The following RAB6D variants were observed in gnomAD, a reference collection of about 807,000 sequenced individuals.
RAB6D encodes the protein RAB6D, member RAS oncogene family, also known as ras-related protein Rab-6D.
Under a neutral mutation model 17.5 loss-of-function variants are expected in RAB6D, and 11 were observed. The observed-to-expected ratio is 0.63, with a 90% CI of 0.39 to 1.04. RAB6D has a LOEUF of 1.04. RAB6D is among the 50% of genes least tolerant of loss of function. The pLI is 0.00. For synonymous variants in RAB6D, 68 were observed against 122.6 expected (o/e 0.55, Z 2.94); for missense variants, 163 against 315.1 (o/e 0.52, Z 3.65).
In RAB6D at chr2:131,363,112, T is replaced by C; in HGVS notation, c.609A>G (p.Glu203=). The stretch of plus-strand genomic sequence containing the variant: ...TGGGAGAGTAGCAGGAACAACCCCC[T>C]TCGCTGACTGTTTGCTCCTGAGGCT... The part of the protein sequence containing the change: ...LEKPQEQTVS[E]GGCSCYSPMS... The change falls in exon 1 of 1, where the codon GAA becomes GAG. Residue 203 remains glutamate, a synonymous_variant. Coordinates refer to ENST00000623617, the MANE Select transcript of RAB6D (RefSeq NM_001077637.3). The C allele has an allele frequency of 6.2e-7, 1 of 1,607,030 alleles. No homozygotes were observed. The highest frequency in any genetic ancestry group is 8.5e-7 in the Non-Finnish European group (1 of 1,175,372).
chr2:131,363,840 A>C lies in RAB6D; in HGVS notation c.-120T>G. ...GGCGCCGAGCTCTCTGCGCCCCTGC[A>C]AGGGCCGGTGGAGGAGCCCGGCTGG... On this transcript the variant is annotated 5_prime_UTR_variant, in exon 1 of 1. Coordinates refer to ENST00000623617, the MANE Select transcript of RAB6D (RefSeq NM_001077637.3). 1 of 1,217,262 alleles carries C rather than the reference A, an allele frequency of 8.2e-7. No individual in the cohort carries two copies. Among genetic ancestry groups the C allele is most frequent in the South Asian group, 1.6e-5 (1 of 64,482 alleles). 75.4% of individuals were successfully genotyped at this position (1,217,262 alleles called of 1,614,324 possible).
At position 131,364,014 on chromosome 2, in the gene RAB6D, T is replaced by G; in HGVS notation, c.-294A>C. ...CTTTGGCTTCCCAAGGCTAGGGCCG[T>G]TCCCTTCTTCCTCACCCGGCTCCAA... On this transcript the variant is annotated 5_prime_UTR_variant, in exon 1 of 1. Transcript: ENST00000623617. 6.3e-6 allele frequency: 3 copies of G among 474,676 alleles called. No individual in the cohort carries two copies. The highest frequency in any genetic ancestry group is 1.2e-5 in the Non-Finnish European group (3 of 258,648). The allele number at this position is 474,676 out of a possible 1,614,324, so 29.4% of individuals were successfully genotyped here. A position where few individuals can be genotyped will look rare whatever the true frequency, so the allele number is the denominator to read the frequency against.
Position 131,364,035 on chromosome 2 carries a change from T to A in RAB6D, c.-315A>T. ...GCCGTTCCCTTCTTCCTCACCCGGC[T>A]CCAAGACCTGCGGGAGAAAGGCGGA... is the stretch of plus-strand genomic sequence containing the variant. On this transcript the variant is annotated 5_prime_UTR_variant, in exon 1 of 1. Transcript: ENST00000623617. 2.5e-6 allele frequency: 1 copy of A among 404,738 alleles called. No homozygotes were observed. Among genetic ancestry groups the A allele is most frequent in the Non-Finnish European group, 4.6e-6 (1 of 216,656 alleles). The allele number at this position is 404,738 out of a possible 1,614,324, so 25.1% of individuals were successfully genotyped here.
rs772807649 is a variant in RAB6D, at chr2:131,363,051, A to G, written c.670T>C (p.Ser224Pro). 5 of 1,602,568 alleles carry G rather than the reference A, an allele frequency of 3.1e-6. No homozygotes were observed. Among genetic ancestry groups the G allele is most frequent in the Admixed American group, 1.7e-5 (1 of 58,884 alleles). Residue 224 changes from serine (S) to proline (P), a missense_variant, in exon 1 of 1, where the codon TCT (serine) becomes CCT (proline). By Grantham distance (74) the Ser-to-Pro change is moderately conservative. Transcript: ENST00000623617. ...SSTLPQKPPY[S>P]FIDCSVNIGL... ...ATATTCACACTGCAGTCAATGAAAG[A>G]GTAAGGGGGCTTCTGAGGAAGGGTT...
In RAB6D at chr2:131,363,015, G is replaced by C. The variant is rs560846796; in HGVS notation, c.706C>G (p.Leu236Val). ...IDCSVNIGLN[L>V]FPSLITFCNS... ...CAAAACGTTATTAATGAAGGGAAAAGGTTCAAGCCAATATTCACACTGCAG... is the reference window on the plus strand; with the variant it reads ...CAAAACGTTATTAATGAAGGGAAAACGTTCAAGCCAATATTCACACTGCAG... The change falls in exon 1 of 1, where the codon CTT (leucine) becomes GTT (valine). Residue 236 changes from leucine to valine, a missense_variant. Around this residue, in one of 2 missense-constraint regions of RAB6D, gnomAD observed 144 missense variants for 244.4 expected, o/e 0.59. Transcript: ENST00000623617. 3 of 1,580,840 alleles carry C rather than the reference G, an allele frequency of 1.9e-6. No homozygotes were observed. The East Asian group carries it at 6.7e-5, about 35-fold the overall frequency.
chr2:131,364,136 C>CCT lies in RAB6D; in HGVS notation c.-417_-416insAG, dbSNP rs1559284076. ...GCTTCGGCTTCCCCAGCCGCCGCCG[C>CCT]CGCAGCCCAACCTGCTGAGTGCGCG... On this transcript the variant is annotated 5_prime_UTR_variant, in exon 1 of 1. Transcript: ENST00000623617. The CCT allele has an allele frequency of 1.3e-5, 3 of 231,008 alleles. No individual in the cohort carries two copies. Among genetic ancestry groups the CCT allele is most frequent in the African/African-American group, 2.3e-5 (1 of 43,194 alleles). 14.3% of individuals were successfully genotyped at this position (231,008 alleles called of 1,614,324 possible). A position where few individuals can be genotyped will look rare whatever the true frequency, so the allele number is the denominator to read the frequency against.
Position 131,363,794 on chromosome 2 carries a change from A to G in RAB6D, c.-74T>C. 1 of 975,030 alleles carries G rather than the reference A, an allele frequency of 1.0e-6. No homozygotes were observed. The highest frequency in any genetic ancestry group is 1.6e-6 in the Non-Finnish European group (1 of 637,414). The allele number at this position is 975,030 out of a possible 1,614,324, so 60.4% of individuals were successfully genotyped here. On this transcript the variant is annotated 5_prime_UTR_variant, in exon 1 of 1. Coordinates refer to ENST00000623617, the MANE Select transcript of RAB6D (RefSeq NM_001077637.3). ...CCGATGCTGCTCCAGCCGGCTGACG[A>G]AAAAGGCGAGCGGAAGGGCGGGCGC...
Position 131,362,181 on chromosome 2 carries a change from A to G in RAB6D, c.*775T>C, listed in dbSNP as rs1222631294. 1 of 167,092 alleles carries G rather than the reference A, an allele frequency of 6.0e-6. No individual in the cohort carries two copies. The highest frequency in any genetic ancestry group is 1.5e-5 in the Non-Finnish European group (1 of 68,130). The allele number at this position is 167,092 out of a possible 1,614,324, so 10.4% of individuals were successfully genotyped here. On this transcript the variant is annotated 3_prime_UTR_variant, in exon 1 of 1. Coordinates refer to ENST00000623617, the MANE Select transcript of RAB6D (RefSeq NM_001077637.3). The stretch of plus-strand genomic sequence containing the variant: ...AAAAAAGAAAACCCAAGCAAAATCT[A>G]TTGCTTAAAGAGGTTTCTTATTTTT...
rs1703420341 is a variant in RAB6D at position 131,361,212 on chromosome 2, A to C, written c.*1744T>G. The C allele has an allele frequency of 6.0e-6, 1 of 166,860 alleles. No homozygotes were observed. Among genetic ancestry groups the C allele is most frequent in the Non-Finnish European group, 1.5e-5 (1 of 68,054 alleles). 10.3% of individuals were successfully genotyped at this position (166,860 alleles called of 1,614,324 possible). The stretch of plus-strand genomic sequence containing the variant: ...TATTGTATTATAAAAGCACTTTATA[A>C]CTCCATCCCATCTTTAAGTGTAAGT... On this transcript the variant is annotated 3_prime_UTR_variant, in exon 1 of 1. Coordinates refer to ENST00000623617, the MANE Select transcript of RAB6D (RefSeq NM_001077637.3).
At position 131,363,999 on chromosome 2, in the gene RAB6D, C is replaced by T; in HGVS notation, c.-279G>A. ...GGAGCCAGGGGTGTGCTTTGGCTTC[C>T]CAAGGCTAGGGCCGTTCCCTTCTTC... On this transcript the variant is annotated 5_prime_UTR_variant, in exon 1 of 1. Coordinates refer to ENST00000623617, the MANE Select transcript of RAB6D (RefSeq NM_001077637.3). The T allele has an allele frequency of 1.7e-6, 1 of 575,920 alleles. No homozygotes were observed. The highest frequency in any genetic ancestry group is 3.2e-6 in the Non-Finnish European group (1 of 314,060). The allele number at this position is 575,920 out of a possible 1,614,324, so 35.7% of individuals were successfully genotyped here. A position where few individuals can be genotyped will look rare whatever the true frequency, so the allele number is the denominator to read the frequency against.
rs1703417167 is a variant in RAB6D at position 131,360,881 on chromosome 2, T to C, written c.*2075A>G. Among the ~76,000 whole-genome samples the C allele has an allele frequency of 6.6e-6, 1 of 152,212 alleles. No homozygotes were observed. Among genetic ancestry groups the C allele is most frequent in the Non-Finnish European group, 1.5e-5 (1 of 68,018 alleles). On this transcript the variant is annotated 3_prime_UTR_variant, in exon 1 of 1. Coordinates refer to ENST00000623617, the MANE Select transcript of RAB6D (RefSeq NM_001077637.3). ...ATTTTTGTTTTGTGTTTTATTTATA[T>C]ATTTTTGGCAGCAAAATTGTGTTTA...
In RAB6D at chr2:131,363,071, A is replaced by G. The variant is rs1353152059; in HGVS notation, c.650T>C (p.Leu217Pro). 2.5e-6 allele frequency: 4 copies of G among 1,606,508 alleles called. No homozygotes were observed. The highest frequency in any genetic ancestry group is 3.4e-6 in the Non-Finnish European group (4 of 1,174,710). ...SCYSPMSSSTLPQKPPYSFID... is the reference protein window; with the variant it reads ...SCYSPMSSSTPPQKPPYSFID... ...GAAAGAGTAAGGGGGCTTCTGAGGA[A>G]GGGTTGAAGATGACATGGGAGAGTA... Residue 217 changes from leucine (L) to proline (P), a missense_variant, in exon 1 of 1, where the codon CTT (leucine) becomes CCT (proline). Physicochemically the swap from Leu to Pro is moderately conservative, Grantham distance 98 (BLOSUM62 -3). Transcript: ENST00000623617.
rs1703440479 is a variant in RAB6D at position 131,362,836 on chromosome 2, T to C, written c.*120A>G. The C allele has an allele frequency of 2.8e-6, 4 of 1,405,754 alleles. No individual in the cohort carries two copies. The highest frequency in any genetic ancestry group is 3.8e-6 in the Non-Finnish European group (4 of 1,047,484). The allele number at this position is 1,405,754 out of a possible 1,614,324, so 87.1% of individuals were successfully genotyped here. A position where few individuals can be genotyped will look rare whatever the true frequency, so the allele number is the denominator to read the frequency against. On this transcript the variant is annotated 3_prime_UTR_variant, in exon 1 of 1. Coordinates refer to ENST00000623617, the MANE Select transcript of RAB6D (RefSeq NM_001077637.3). The stretch of plus-strand genomic sequence containing the variant: ...TCATAACATTAAAAAAGAAAAAAAA[T>C]GTTAAGAAAATGTATCTAATTTTTA...
rs574063495 is a variant in RAB6D at position 131,361,907 on chromosome 2, C to G, written c.*1049G>C. 1.2e-5 allele frequency: 2 copies of G among 167,138 alleles called. No homozygotes were observed. The highest frequency in any genetic ancestry group is 3.4e-3 in the Middle Eastern group (1 of 296). The allele number at this position is 167,138 out of a possible 1,614,324, so 10.4% of individuals were successfully genotyped here. A position where few individuals can be genotyped will look rare whatever the true frequency, so the allele number is the denominator to read the frequency against. ...CTCTCCTTTCCCTCTACTATGTATGCTTTACCTGATCTGCCTCTAGGGGCT... is the reference window on the plus strand; with the variant it reads ...CTCTCCTTTCCCTCTACTATGTATGGTTTACCTGATCTGCCTCTAGGGGCT... On this transcript the variant is annotated 3_prime_UTR_variant, in exon 1 of 1. Transcript: ENST00000623617.
rs1703463270 is a variant in RAB6D at position 131,363,815 on chromosome 2, G to A, written c.-95C>T. ...GACGAAAAAGGCGAGCGGAAGGGCGGGCGCCGAGCTCTCTGCGCCCCTGCA... is the reference window on the plus strand; with the variant it reads ...GACGAAAAAGGCGAGCGGAAGGGCGAGCGCCGAGCTCTCTGCGCCCCTGCA... On this transcript the variant is annotated 5_prime_UTR_variant, in exon 1 of 1. Coordinates refer to ENST00000623617, the MANE Select transcript of RAB6D (RefSeq NM_001077637.3). The A allele has an allele frequency of 2.9e-6, 3 of 1,036,212 alleles. No individual in the cohort carries two copies. Among genetic ancestry groups the A allele is most frequent in the Non-Finnish European group, 4.3e-6 (3 of 699,264 alleles). The allele number at this position is 1,036,212 out of a possible 1,614,324, so 64.2% of individuals were successfully genotyped here.
At position 131,362,842 on chromosome 2, in the gene RAB6D, G is replaced by T. The variant is rs898404474; in HGVS notation, c.*114C>A. The T allele has an allele frequency of 1.3e-5, 19 of 1,440,146 alleles. No homozygotes were observed. The highest frequency in any genetic ancestry group is 3.7e-4 in the Middle Eastern group (2 of 5,370). The allele number at this position is 1,440,146 out of a possible 1,614,324, so 89.2% of individuals were successfully genotyped here. ...CATTAAAAAAGAAAAAAAATGTTAAGAAAATGTATCTAATTTTTAAAGTTA... is the reference window on the plus strand; with the variant it reads ...CATTAAAAAAGAAAAAAAATGTTAATAAAATGTATCTAATTTTTAAAGTTA... On this transcript the variant is annotated 3_prime_UTR_variant, in exon 1 of 1. Transcript: ENST00000623617.
rs1372117849 is a variant in RAB6D, at chr2:131,363,178, C to T, written c.543G>A (p.Gln181=). ...CACTCATGTCTTCTCTGCTTCCGTC[C>T]TGTGTGCTTTCCATTCCCGGCAAAG... ...AAALPGMEST[Q]DGSREDMSDI... is the part of the protein sequence containing the mutation. The change falls in exon 1 of 1, where the codon CAG becomes CAA. Residue 181 remains glutamine (Q), a synonymous_variant. Transcript: ENST00000623617. The T allele has an allele frequency of 6.2e-7, 1 of 1,612,076 alleles. No individual in the cohort carries two copies. The highest frequency in any genetic ancestry group is 8.5e-7 in the Non-Finnish European group (1 of 1,179,204).
At position 131,363,856 on chromosome 2, in the gene RAB6D, G is replaced by T. The variant is rs1254305935; in HGVS notation, c.-136C>A. 55 of 1,298,938 alleles carry T rather than the reference G, an allele frequency of 4.2e-5. No homozygotes were observed. The Middle Eastern group carries it at 8.1e-4, about 19-fold the overall frequency. 80.5% of individuals were successfully genotyped at this position (1,298,938 alleles called of 1,614,324 possible). A position where few individuals can be genotyped will look rare whatever the true frequency, so the allele number is the denominator to read the frequency against. ...CGCCCCTGCAAGGGCCGGTGGAGGA[G>T]CCCGGCTGGAGGGCAGCAGGACTCT... On this transcript the variant is annotated 5_prime_UTR_variant, in exon 1 of 1. Transcript: ENST00000623617.
At position 131,362,407 on chromosome 2, in the gene RAB6D, A is replaced by G; in HGVS notation, c.*549T>C. On this transcript the variant is annotated 3_prime_UTR_variant, in exon 1 of 1. Coordinates refer to ENST00000623617, the MANE Select transcript of RAB6D (RefSeq NM_001077637.3). ...AAATACATTTTATGTTCTGCTACTTATAAGTACTCAGTATGTTCTTTAGGA... is the reference window on the plus strand; with the variant it reads ...AAATACATTTTATGTTCTGCTACTTGTAAGTACTCAGTATGTTCTTTAGGA... 1 of 170,506 alleles carries G rather than the reference A, an allele frequency of 5.9e-6. No individual in the cohort carries two copies. Among genetic ancestry groups the G allele is most frequent in the Non-Finnish European group, 1.4e-5 (1 of 70,162 alleles). 10.6% of individuals were successfully genotyped at this position (170,506 alleles called of 1,614,324 possible). A position where few individuals can be genotyped will look rare whatever the true frequency, so the allele number is the denominator to read the frequency against.
Sources: gnomAD v4.1 joint callset for allele counts (sites outside exome capture counted in the v4.1 genomes callset) on GRCh38, gnomAD v4.1.1 for gene constraint, gnomAD v4.1.1 regional missense constraint, MANE v1.5 for transcripts, NCBI Gene and HGNC (gene_info 2026-07-23, HGNC 2026-07-21) for gene names.